Variants in TOX2 observed in about 807,000 individuals in gnomAD.
TOX2 encodes the protein granulosa cell HMG box 1.
TOX2 carries 15 observed loss-of-function variants against 47.4 expected under a neutral mutation model. The observed-to-expected ratio is 0.32, with a 90% CI of 0.21 to 0.49. TOX2 has a LOEUF of 0.49. TOX2 is among the 20% of genes least tolerant of loss of function. The pLI, the probability that TOX2 is intolerant of heterozygous loss-of-function variation, is 0.99. For synonymous variants in TOX2, 290 were observed against 296.6 expected, an observed-to-expected ratio of 0.98 and a Z score of 0.23; for missense variants, 622 against 673.1, an observed-to-expected ratio of 0.92 and a Z score of 0.84.
intron 1 of TOX2, among the ~76,000 whole-genome samples, chr20:43,928,997 A>AAAAAAC (rs540054093): frequency 2.7e-5 from 4 of 149,672 alleles, no homozygotes; most frequent in South Asian, 2.1e-4. Context: ...AAAAAAAAAA[A>AAAAAAC]AACAACAACA....
At chr20:43,979,541 C>G (rs989412978) in intron 2 of TOX2, among the ~76,000 whole-genome samples, 2 of 152,130 alleles carry the variant, frequency 1.3e-5, no homozygotes, top group African/African-American at 4.8e-5. Context: ...GGGATCACAT[C>G]AAGTTAAAAC....
intron 3 of TOX2, among the ~76,000 whole-genome samples, chr20:44,049,880 A>G (rs911097584): frequency 6.6e-6 from 1 of 152,130 alleles, no homozygotes; most frequent in African/African-American, 2.4e-5. Context: ...ATTTTCTTTC[A>G]GTCTATCTTT....
At chr20:43,980,321 A>G (rs757959140) in intron 2 of TOX2, among the ~76,000 whole-genome samples, 1 of 152,224 alleles carries the variant, frequency 6.6e-6, no homozygotes, top group Non-Finnish European at 1.5e-5. Context: ...TCTAAAAATC[A>G]AGACAATGAA....
chr20:43,987,137 A>G (rs1306571079), intron 2 of TOX2, among the ~76,000 whole-genome samples: 1 of 152,162 alleles, frequency 6.6e-6, no homozygotes, highest in East Asian at 1.9e-4. Flanking sequence ...TCAAGAGTAG[A>G]CTGGATACAT....
At chr20:43,983,149 G>C (rs901292857) in intron 2 of TOX2, among the ~76,000 whole-genome samples, 9 of 151,970 alleles carry the variant, frequency 5.9e-5, no homozygotes, top group Non-Finnish European at 1.0e-4. Context: ...TGCCCCTGTA[G>C]CATCCCTTCC....
At position 44,064,808 on chromosome 20, in the gene TOX2, A is replaced by G; in HGVS notation, c.911A>G (p.Lys304Arg). The change falls in exon 6 of 9, where the codon AAG (lysine) becomes AGG (arginine). Residue 304 changes from lysine (K) to arginine (R), a missense_variant. Around this residue, in one of 3 missense-constraint regions of TOX2, gnomAD observed 294 missense variants for 300.0 expected, o/e 0.98. Transcript: ENST00000341197. Reference protein sequence around the residue: ...AYKRKTEAAKKEYLKALAAYR... With the variant: ...AYKRKTEAAKREYLKALAAYR... ...AAGAGGAAGACAGAAGCAGCAAAGA[A>G]GGAATATCTGAAGGCCCTGGCAGCC... is the stretch of plus-strand genomic sequence containing the variant. The G allele has an allele frequency of 6.2e-7, 1 of 1,614,214 alleles. No homozygotes were observed. Among genetic ancestry groups the G allele is most frequent in the Non-Finnish European group, 8.5e-7 (1 of 1,180,034 alleles).
intron 2 of TOX2, among the ~76,000 whole-genome samples, chr20:43,987,363 G>C (rs950966052): frequency 6.6e-6 from 1 of 152,178 alleles, no homozygotes; most frequent in African/African-American, 2.4e-5. Flanking sequence ...TTACCCTAGA[G>C]GGGGGTGGGG....
intron 1 of TOX2, among the ~76,000 whole-genome samples, chr20:43,966,813 A>AACTGAG (rs1414064364): frequency 1.3e-5 from 2 of 150,588 alleles, no homozygotes; most frequent in Non-Finnish European, 2.9e-5. Context: ...GACCCACGGG[A>AACTGAG]ACTGAGACTT....
intron 2 of TOX2, among the ~76,000 whole-genome samples, chr20:43,980,699 T>G (rs1480651920): frequency 6.6e-6 from 1 of 152,142 alleles, no homozygotes; most frequent in African/African-American, 2.4e-5. Context: ...TTAAACATAC[T>G]CAAGGGAACC....
intron 1 of TOX2, among the ~76,000 whole-genome samples, chr20:43,922,479 G>A (rs963533251): frequency 6.6e-6 from 1 of 152,114 alleles, no homozygotes; most frequent in African/African-American, 2.4e-5. Context: ...TTCTGGCCAG[G>A]GCTTCAGTCC....
intron 1 of TOX2, among the ~76,000 whole-genome samples, chr20:43,922,262 G>C (rs1401636548): frequency 6.6e-6 from 1 of 152,190 alleles, no homozygotes; most frequent in Admixed American, 6.5e-5. Flanking sequence ...TGTGGGAGTT[G>C]CTGCATGCAT....
Position 44,066,741 on chromosome 20 carries a change from C to T in TOX2, c.1368C>T (p.His456=), listed in dbSNP as rs1569154991. 1.9e-6 allele frequency: 3 copies of T among 1,614,172 alleles called. No homozygotes were observed. The highest frequency in any genetic ancestry group is 1.1e-5 in the South Asian group (1 of 91,078). ...TTCCCACTCTGTAGGACTTCCCGCA[C>T]ATCTCTGAGTTCCCCAGCAGCTCGG... ...PSPPGPQDFP[H]ISEFPSSSGS... is the part of the protein sequence containing the mutation. The change falls in exon 8 of 9, where the codon CAC becomes CAT. Residue 456 remains histidine (H), a synonymous_variant. Coordinates refer to ENST00000341197, the MANE Select transcript of TOX2 (RefSeq NM_001098797.2).
chr20:44,068,524 T>A, intron 8 of TOX2, 126 bp from the exon 9 acceptor site: 321 of 909,912 alleles, frequency 3.5e-4, no homozygotes, highest in East Asian at 6.6e-4. Context: ...TGCAAGTCCC[T>A]CATTCAGCCA....
chr20:43,923,371 C>T (rs1009026988), intron 1 of TOX2, among the ~76,000 whole-genome samples: 2 of 152,170 alleles, frequency 1.3e-5, no homozygotes, highest in African/African-American at 4.8e-5. Flanking sequence ...CCCCAGTAGC[C>T]CATGATAGAT....
At chr20:44,009,073 A>G (rs557623256) in intron 3 of TOX2, among the ~76,000 whole-genome samples, 1 of 152,334 alleles carries the variant, frequency 6.6e-6, no homozygotes, top group East Asian at 1.9e-4. Context: ...TTCCTAGCAG[A>G]ATCTCATGGT....
chr20:44,051,659 C>T, intron 4 of TOX2, 114 bp downstream of exon 4: 1 of 1,438,704 alleles, frequency 7.0e-7, no homozygotes, highest in Non-Finnish European at 9.2e-7. Flanking sequence ...GCCTGATGTC[C>T]CAAGGTCCCC....
chr20:43,928,997 A>AAACAAC (rs1555829659), intron 1 of TOX2, among the ~76,000 whole-genome samples: 9 of 149,650 alleles, frequency 6.0e-5, no homozygotes, highest in African/African-American at 2.0e-4. Flanking sequence ...AAAAAAAAAA[A>AAACAAC]AACAACAACA....
At chr20:43,979,700 A>G (rs1252215159) in intron 2 of TOX2, among the ~76,000 whole-genome samples, 2 of 152,222 alleles carry the variant, frequency 1.3e-5, no homozygotes, top group African/African-American at 2.4e-5. Flanking sequence ...TCGTAATCCA[A>G]TTAAAAAATG....
intron 1 of TOX2, among the ~76,000 whole-genome samples, chr20:43,948,629 G>A (rs1447855023): frequency 6.6e-6 from 1 of 152,102 alleles, no homozygotes; most frequent in Non-Finnish European, 1.5e-5. Flanking sequence ...CCCCGGGCCT[G>A]CTGGGGCAGC....
Sources: gnomAD v4.1 joint callset for allele counts (sites outside exome capture counted in the v4.1 genomes callset) on GRCh38, gnomAD v4.1.1 for gene constraint, gnomAD v4.1.1 regional missense constraint, MANE v1.5 for transcripts, NCBI Gene and HGNC (gene_info 2026-07-23, HGNC 2026-07-21) for gene names.